Variants in REDIC1 observed in about 807,000 individuals in gnomAD.
REDIC1 encodes the protein regulator of DNA class I crossover intermediates 1.
the REDIC1 span, among the ~76,000 whole-genome samples, chr12:39,746,983 A>G: frequency 2.0e-5 from 3 of 152,198 alleles, no homozygotes; most frequent in Admixed American, 6.5e-5. Flanking sequence ...GGAAAAAACA[A>G]AGCAGAAAAG....
the REDIC1 span, among the ~76,000 whole-genome samples, chr12:39,861,406 G>A: frequency 0.016 from 2,419 of 152,238 alleles, 60 homozygotes; most frequent in African/African-American, 0.055. Flanking sequence ...CCTAGGGCAA[G>A]GCTACCTTGA....
chr12:39,667,217 T>G, the REDIC1 span, among the ~76,000 whole-genome samples: 2 of 152,216 alleles, frequency 1.3e-5, no homozygotes, highest in African/African-American at 4.8e-5. Flanking sequence ...GCTAGAAATT[T>G]CCCTCTATAC....
chr12:39,723,012 C>G, the REDIC1 span, among the ~76,000 whole-genome samples: 1 of 152,052 alleles, frequency 6.6e-6, no homozygotes, highest in Non-Finnish European at 1.5e-5. Flanking sequence ...TCAGCCACAC[C>G]GCTGTGATTG....
chr12:39,633,897 G>T, the REDIC1 span, among the ~76,000 whole-genome samples: 1 of 152,082 alleles, frequency 6.6e-6, no homozygotes, highest in Non-Finnish European at 1.5e-5. Context: ...CATTTTAAAA[G>T]ATTTATATTA....
chr12:39,710,444 G>A, the REDIC1 span, among the ~76,000 whole-genome samples: 1 of 151,074 alleles, frequency 6.6e-6, no homozygotes, highest in African/African-American at 2.5e-5. Context: ...TTCATACCTA[G>A]ATTATTCAGT....
chr12:39,903,632 A>G, the REDIC1 span, among the ~76,000 whole-genome samples: 8 of 152,120 alleles, frequency 5.3e-5, 1 homozygote, highest in Admixed American at 2.6e-4. Flanking sequence ...CTTGGAGGGA[A>G]AATGTGAGCC....
At chr12:39,746,684 G>A in the REDIC1 span, among the ~76,000 whole-genome samples, 1 of 152,214 alleles carries the variant, frequency 6.6e-6, no homozygotes, top group African/African-American at 2.4e-5. Context: ...CCAAGTAGGG[G>A]CAGACTGACA....
the REDIC1 span, among the ~76,000 whole-genome samples, chr12:39,706,159 T>A: frequency 6.6e-6 from 1 of 152,098 alleles, no homozygotes; most frequent in Non-Finnish European, 1.5e-5. Flanking sequence ...GTAGCATTTT[T>A]ATATGCCAAC....
chr12:39,829,177 G>T, the REDIC1 span, among the ~76,000 whole-genome samples: 1 of 151,730 alleles, frequency 6.6e-6, no homozygotes, highest in Non-Finnish European at 1.5e-5. Context: ...ATAAATGTTA[G>T]TTCATAAATC....
At chr12:39,805,725 G>A in the REDIC1 span, among the ~76,000 whole-genome samples, 1 of 152,162 alleles carries the variant, frequency 6.6e-6, no homozygotes. Context: ...GGAGTTGGAG[G>A]AGGGGCACTT....
At chr12:39,724,939 G>A in the REDIC1 span, among the ~76,000 whole-genome samples, 1 of 151,890 alleles carries the variant, frequency 6.6e-6, no homozygotes, top group African/African-American at 2.4e-5. Flanking sequence ...AGAGAATAGA[G>A]GCATAATTTG....
the REDIC1 span, among the ~76,000 whole-genome samples, chr12:39,752,619 C>CA: frequency 6.6e-6 from 1 of 152,064 alleles, no homozygotes; most frequent in African/African-American, 2.4e-5. Flanking sequence ...TTGCATTACA[C>CA]AGAGTCAAAG....
the REDIC1 span, among the ~76,000 whole-genome samples, chr12:39,807,196 CAG>C: frequency 2.6e-5 from 4 of 152,190 alleles, no homozygotes. Flanking sequence ...GAGTTAAGGA[CAG>C]GGCCACGTAG....
At chr12:39,705,638 G>A in the REDIC1 span, among the ~76,000 whole-genome samples, 4 of 152,008 alleles carry the variant, frequency 2.6e-5, no homozygotes, top group Non-Finnish European at 1.5e-5. Flanking sequence ...TTATCCCTGG[G>A]ATACAAGAAT....
At chr12:39,671,926 A>G in the REDIC1 span, among the ~76,000 whole-genome samples, 3 of 152,062 alleles carry the variant, frequency 2.0e-5, no homozygotes, top group South Asian at 6.2e-4. Flanking sequence ...TGATGGAGTA[A>G]GATGATCCCC....
At chr12:39,665,898 T>A in the REDIC1 span, among the ~76,000 whole-genome samples, 2 of 152,214 alleles carry the variant, frequency 1.3e-5, no homozygotes, top group Non-Finnish European at 1.5e-5. Flanking sequence ...ATAAGAATGC[T>A]TGTGATTTTT....
chr12:39,771,879 T>C, the REDIC1 span, among the ~76,000 whole-genome samples: 1 of 152,084 alleles, frequency 6.6e-6, no homozygotes, highest in Non-Finnish European at 1.5e-5. Context: ...CTAAACTAAA[T>C]TACTTATTTT....
chr12:39,758,748 A>G, the REDIC1 span: 1 of 152,032 alleles, frequency 6.6e-6, no homozygotes, highest in Non-Finnish European at 1.5e-5. Context: ...AAGAAGGAAA[A>G]ACTAAGCCAA....
chr12:39,668,374 T>C, the REDIC1 span, among the ~76,000 whole-genome samples: 278 of 152,336 alleles, frequency 1.8e-3, no homozygotes, highest in African/African-American at 5.9e-3. Context: ...TTCTTTTCTT[T>C]AAGAATGTTG....
Sources: allele counts gnomAD v4.1 joint callset (sites outside exome capture counted in the v4.1 genomes callset), GRCh38; gene constraint gnomAD v4.1.1; transcripts MANE v1.5; gene names NCBI Gene and HGNC (gene_info 2026-07-23, HGNC 2026-07-21).